Variants in CSMD1 observed in about 807,000 individuals in gnomAD.
The protein encoded by CSMD1 is CUB and Sushi multiple domains 1.
A neutral mutation model predicts 417.5 loss-of-function variants in CSMD1; 213 were observed. The ratio of observed to expected loss-of-function variants is 0.51; its 90% CI spans 0.46 to 0.57. The LOEUF (loss-of-function observed/expected upper bound fraction) is 0.57, where lower values mean the gene tolerates loss of function less well. Ranked by LOEUF, CSMD1 falls within the 20% of genes least tolerant of loss-of-function variation. The pLI is 0.00. For missense variants in CSMD1, 6,923 were observed against 4,529.7 expected, an observed-to-expected ratio of 1.53 and a Z score of -15.17; for synonymous variants, 2,862 against 1,736.8, an observed-to-expected ratio of 1.65 and a Z score of -16.11.
intron 1 of CSMD1, among the ~76,000 whole-genome samples, chr8:4,857,671 G>T (rs866998361): frequency 1.3e-5 from 2 of 151,988 alleles, no homozygotes; most frequent in Admixed American, 6.6e-5. Flanking sequence ...TAGAAGAAAT[G>T]GATAAATTCC....
chr8:3,053,807 C>A (rs1380431174), intron 49 of CSMD1, among the ~76,000 whole-genome samples: 2 of 152,138 alleles, frequency 1.3e-5, no homozygotes, highest in Non-Finnish European at 2.9e-5. Flanking sequence ...CACGTACCCA[C>A]TTCAGCTGCA....
At position 4,015,435 on chromosome 8, in the gene CSMD1, G is replaced by C. The variant is rs1396945843; in HGVS notation, c.610+16470C>G. 3.9e-5 allele frequency among the ~76,000 whole-genome samples: 6 copies of C among 152,158 alleles called. No homozygotes were observed. In the East Asian group the frequency reaches 1.2e-3, roughly 29 times the overall value. ...CTGACAGTTCATATAGAATTGGCAAGTGACATATTGCCATTTCCAGTCACA... is the reference window on the plus strand; with the variant it reads ...CTGACAGTTCATATAGAATTGGCAACTGACATATTGCCATTTCCAGTCACA... On this transcript the variant is annotated intron_variant, in intron 4 of 69. Coordinates refer to ENST00000635120, the MANE Select transcript of CSMD1 (RefSeq NM_033225.6).
intron 1 of CSMD1, among the ~76,000 whole-genome samples, chr8:4,854,685 C>CGAAT (rs575560379): frequency 1.2e-3 from 178 of 152,252 alleles, no homozygotes; most frequent in African/African-American, 4.2e-3. Context: ...CACTCCCACC[C>CGAAT]GAATACTGCC....
intron 1 of CSMD1, among the ~76,000 whole-genome samples, chr8:4,896,705 C>T (rs1804505271): frequency 6.6e-6 from 1 of 152,048 alleles, no homozygotes; most frequent in African/African-American, 2.4e-5. Flanking sequence ...AGATCCAAGA[C>T]TTCAAGCTTG....
At chr8:3,462,079 T>G (rs1816539870) in intron 12 of CSMD1, among the ~76,000 whole-genome samples, 3 of 151,324 alleles carry the variant, frequency 2.0e-5, no homozygotes, top group Non-Finnish European at 2.9e-5. Context: ...TGGGCTGTAT[T>G]TGATCCCAAG....
chr8:3,905,136 G>C (rs117460606), intron 5 of CSMD1, among the ~76,000 whole-genome samples: 3,437 of 152,120 alleles, frequency 0.023, 59 homozygotes, highest in Middle Eastern at 0.054. Flanking sequence ...AATTCAGAGA[G>C]AATCCTTCCA....
At chr8:4,311,781 A>G (rs1798593955) in intron 3 of CSMD1, among the ~76,000 whole-genome samples, 1 of 151,556 alleles carries the variant, frequency 6.6e-6, no homozygotes, top group Admixed American at 6.6e-5. Context: ...GGGAACACAT[A>G]GAGGGGAACA....
At chr8:4,448,192 A>C (rs143986772) in intron 2 of CSMD1, among the ~76,000 whole-genome samples, 11 of 152,196 alleles carry the variant, frequency 7.2e-5, no homozygotes, top group Admixed American at 7.2e-4. Flanking sequence ...TCTATTTTTA[A>C]AAGTTTTTTA....
intron 3 of CSMD1, among the ~76,000 whole-genome samples, chr8:4,130,079 G>C (rs1012724180): frequency 9.2e-5 from 14 of 152,228 alleles, no homozygotes; most frequent in African/African-American, 2.6e-4. Context: ...CTGAGTGTGT[G>C]TGTGAGAGGA....
At chr8:4,056,358 T>C (rs1194590669) in intron 3 of CSMD1, among the ~76,000 whole-genome samples, 4 of 151,578 alleles carry the variant, frequency 2.6e-5, no homozygotes, top group Non-Finnish European at 4.4e-5. Flanking sequence ...GCTGGGATTA[T>C]AGGCATGAGC....
intron 1 of CSMD1, among the ~76,000 whole-genome samples, chr8:4,899,623 T>C (rs759138239): frequency 5.9e-5 from 9 of 152,164 alleles, no homozygotes; most frequent in Non-Finnish European, 1.0e-4. Context: ...TTACATAACA[T>C]ATAGGGTTTT....
intron 12 of CSMD1, among the ~76,000 whole-genome samples, chr8:3,452,210 T>C (rs1006105443): frequency 6.6e-6 from 1 of 152,194 alleles, no homozygotes; most frequent in Non-Finnish European, 1.5e-5. Context: ...CTTAAGGAGA[T>C]TTTGGGCTGA....
At chr8:3,593,227 G>C (rs924709361) in intron 8 of CSMD1, among the ~76,000 whole-genome samples, 1 of 152,244 alleles carries the variant, frequency 6.6e-6, no homozygotes, top group Non-Finnish European at 1.5e-5. Flanking sequence ...GCTGGGTGAG[G>C]AGACAGAACA....
intron 2 of CSMD1, among the ~76,000 whole-genome samples, chr8:4,566,449 C>T (rs981059476): frequency 4.0e-5 from 6 of 150,822 alleles, no homozygotes; most frequent in Non-Finnish European, 7.4e-5. Flanking sequence ...GTCAAGAGAA[C>T]GAGACCATCC....
At chr8:3,236,785 G>C (rs1585744154) in intron 26 of CSMD1, among the ~76,000 whole-genome samples, 1 of 152,094 alleles carries the variant, frequency 6.6e-6, no homozygotes, top group South Asian at 2.1e-4. Context: ...AAGGTTTCTA[G>C]TTTCTTGCCA....
intron 3 of CSMD1, among the ~76,000 whole-genome samples, chr8:4,273,789 C>T (rs576002721): frequency 5.3e-5 from 8 of 152,240 alleles, no homozygotes; most frequent in Admixed American, 6.5e-5. Context: ...CTTCTGTCTG[C>T]GTGTATGTCT....
intron 1 of CSMD1, among the ~76,000 whole-genome samples, chr8:4,839,876 AC>A (rs2116769013): frequency 6.6e-6 from 1 of 152,334 alleles, no homozygotes; most frequent in South Asian, 2.1e-4. Context: ...AATTCTTAGT[AC>A]TAGCTATTCT....
At chr8:3,179,175 G>C (rs1469744390) in intron 37 of CSMD1, among the ~76,000 whole-genome samples, 1 of 151,602 alleles carries the variant, frequency 6.6e-6, no homozygotes, top group African/African-American at 2.4e-5. Context: ...TCGATCTCCT[G>C]ACCTCGTGAT....
chr8:4,818,346 G>A (rs1043718764), intron 1 of CSMD1, among the ~76,000 whole-genome samples: 1 of 152,162 alleles, frequency 6.6e-6, no homozygotes, highest in Non-Finnish European at 1.5e-5. Context: ...AGCATTGCCT[G>A]CCACAGTTTA....
Sources: gnomAD v4.1 joint callset for allele counts (sites outside exome capture counted in the v4.1 genomes callset) on GRCh38, gnomAD v4.1.1 for gene constraint, MANE v1.5 for transcripts, NCBI Gene and HGNC (gene_info 2026-07-23, HGNC 2026-07-21) for gene names.